Variants in SEC14L5 observed in about 807,000 individuals in gnomAD.
SEC14L5 encodes SEC14-like protein 5.
In SEC14L5, 96 loss-of-function variants were observed where a neutral mutation model predicts 84.6. The observed-to-expected ratio is 1.13, with a 90% CI of 0.96 to 1.34. The LOEUF (loss-of-function observed/expected upper bound fraction) is 1.34. Among genes scored for constraint, SEC14L5 ranks in the 40% most tolerant of loss-of-function variants. SEC14L5 has a pLI of 0.00. For synonymous variants in SEC14L5, 546 were observed against 383.4 expected, an observed-to-expected ratio of 1.42 and a Z score of -4.95; for missense variants, 1,224 against 942.5, an observed-to-expected ratio of 1.30 and a Z score of -3.91.
intron 5 of SEC14L5, among the ~76,000 whole-genome samples, chr16:4,991,544 C>A (rs1388650363): frequency 6.6e-6 from 1 of 151,868 alleles, no homozygotes; most frequent in Non-Finnish European, 1.5e-5. Flanking sequence ...CCAGCCTGGG[C>A]AACACAGCAA....
At chr16:4,963,001 G>T (rs1955145445) in intron 2 of SEC14L5, among the ~76,000 whole-genome samples, 1 of 152,184 alleles carries the variant, frequency 6.6e-6, no homozygotes, top group South Asian at 2.1e-4. Flanking sequence ...TCAGATGCCG[G>T]GGAAGTTTCA....
intron 2 of SEC14L5, among the ~76,000 whole-genome samples, chr16:4,972,598 GT>G (rs779498400): frequency 6.6e-6 from 1 of 152,210 alleles, no homozygotes; most frequent in Non-Finnish European, 1.5e-5. Flanking sequence ...TTGTCCTTTT[GT>G]CTCTGGCTCG....
intron 2 of SEC14L5, among the ~76,000 whole-genome samples, chr16:4,973,542 C>T (rs541312017): frequency 6.6e-6 from 1 of 152,340 alleles, no homozygotes; most frequent in Admixed American, 6.5e-5. Flanking sequence ...GGGTCTACCC[C>T]ATGGCACAGT....
intron 2 of SEC14L5, among the ~76,000 whole-genome samples, chr16:4,975,634 C>T (rs931817217): frequency 1.3e-5 from 2 of 152,092 alleles, no homozygotes; most frequent in South Asian, 4.1e-4. Context: ...TATAAACATA[C>T]ATGTGTATGT....
In SEC14L5 at chr16:5,005,972, A is replaced by G; in HGVS notation, c.1361A>G (p.Asn454Ser). 6.2e-7 allele frequency: 1 copy of G among 1,613,440 alleles called. No individual in the cohort carries two copies. The highest frequency in any genetic ancestry group is 8.5e-7 in the Non-Finnish European group (1 of 1,179,688). The change falls in exon 12 of 16, where the codon AAC (asparagine) becomes AGC (serine). Residue 454 changes from asparagine to serine, a missense_variant. Coordinates refer to ENST00000251170, the MANE Select transcript of SEC14L5 (RefSeq NM_014692.2). ...RRKFLIYSGS[N>S]YQGPGGLVDY... ...AAGTTCCTCATCTACAGTGGCAGCA[A>G]CTACCAGGGACCCGGAGGCCTTGTG...
rs1282320109 is a variant in SEC14L5, at chr16:5,005,885, AT to A, written c.1303-28del. 93 of 1,505,914 alleles carry A rather than the reference AT, an allele frequency of 6.2e-5. No individual in the cohort carries two copies. The African/African-American group carries it at 1.2e-3, about 20-fold the overall frequency. 93.3% of individuals were successfully genotyped at this position (1,505,914 alleles called of 1,614,324 possible). ...TCTCAAAAAAAAAAAAAAAAAAACC[AT>A]CCATCTTGCCTTATGTCCTGGTTTC... On this transcript the variant is annotated intron_variant, in intron 11 of 15. Transcript: ENST00000251170.
chr16:4,967,496 T>G (rs193013333), intron 2 of SEC14L5, among the ~76,000 whole-genome samples: 278 of 150,482 alleles, frequency 1.8e-3, no homozygotes, highest in Non-Finnish European at 1.3e-3. Flanking sequence ...ACTCAGGGAA[T>G]CTGACCCCAC....
At chr16:4,962,686 CAAAAA>C (rs761644374) in intron 2 of SEC14L5, among the ~76,000 whole-genome samples, 2,753 of 81,268 alleles carry the variant, frequency 0.034, 92 homozygotes, top group African/African-American at 0.11. Context: ...AACTCTGTCT[CAAAAA>C]AAAAAAAAAA....
chr16:5,003,610 G>C, intron 11 of SEC14L5, 37 bp downstream of exon 11: 1 of 1,120,836 alleles, frequency 8.9e-7, no homozygotes, highest in Non-Finnish European at 1.3e-6. Flanking sequence ...TCTCCCTGGG[G>C]GTGGGTGGGA....
chr16:4,998,129 C>T lies in SEC14L5; in HGVS notation c.970+1085C>T, dbSNP rs146137830. On this transcript the variant is annotated intron_variant, in intron 8 of 15. Transcript: ENST00000251170. ...CAAGCGATTCTCCTGCGTCAGCCTC[C>T]TGAGTAGCTGGGACTACAGGCGTGC... 8.7e-3 allele frequency among the ~76,000 whole-genome samples: 1,320 copies of T among 151,714 alleles called. 21 individuals are homozygous for T. The highest frequency in any genetic ancestry group is 0.03 in the African/African-American group (1,252 of 41,360).
chr16:4,971,697 C>A (rs1955282429), intron 2 of SEC14L5, among the ~76,000 whole-genome samples: 1 of 150,152 alleles, frequency 6.7e-6, no homozygotes, highest in African/African-American at 2.5e-5. Flanking sequence ...AGATGTAGGT[C>A]CACTCACTCT....
At chr16:5,007,606 C>CA in intron 13 of SEC14L5, 120 bp downstream of exon 13, 4 of 562,150 alleles carry the variant, frequency 7.1e-6, no homozygotes, top group South Asian at 2.3e-5. Context: ...TTCTTTCTTT[C>CA]TTTTTTTTTT....
intron 2 of SEC14L5, among the ~76,000 whole-genome samples, chr16:4,967,196 C>T (rs1955211433): frequency 6.6e-6 from 1 of 152,216 alleles, no homozygotes; most frequent in Non-Finnish European, 1.5e-5. Context: ...CACACTCCCT[C>T]TGGAGGCTCT....
At chr16:4,988,325 C>CGCCCGGCACCCACCTGT (rs771634178) in intron 4 of SEC14L5, 45 bp downstream of exon 4, 16 of 1,599,110 alleles carry the variant, frequency 1.0e-5, no homozygotes, top group Admixed American at 5.1e-5. Context: ...CACCCACCTG[C>CGCCCGGCACCCACCTGT]GCCCGGCACC....
chr16:5,006,955 C>G (rs527865500), intron 12 of SEC14L5, among the ~76,000 whole-genome samples: 20 of 152,146 alleles, frequency 1.3e-4, no homozygotes, highest in Admixed American at 3.3e-4. Context: ...ACTGTTCCAC[C>G]CCCGCCTGTG....
Position 5,007,409 on chromosome 16 carries a change from C to T in SEC14L5, c.1495C>T (p.Gln499Ter), listed in dbSNP as rs1437164362. 6.2e-7 allele frequency: 1 copy of T among 1,613,694 alleles called. No homozygotes were observed. The highest frequency in any genetic ancestry group is 8.5e-7 in the Non-Finnish European group (1 of 1,179,698). ...PKSLYMTEEE[Q>*]EHTDQLWQWS... ...GTCCCTCTACATGACAGAAGAGGAG[C>T]AGGAGCACACGGACCAGCTGTGGCA... The change falls in exon 13 of 16, where the codon CAG (glutamine) becomes TAG (stop). Residue 499 changes from glutamine (Q) to a stop codon, truncating the protein, a stop_gained. Coordinates refer to ENST00000251170, the MANE Select transcript of SEC14L5 (RefSeq NM_014692.2). LOFTEE classifies it high-confidence loss of function.
Position 4,976,990 on chromosome 16 carries a change from TC to T in SEC14L5, c.64-10564del, listed in dbSNP as rs1400732113. Among the ~76,000 whole-genome samples the T allele has an allele frequency of 4.6e-5, 7 of 152,228 alleles. No homozygotes were observed. In the South Asian group the frequency reaches 1.5e-3, roughly 32 times the overall value. On this transcript the variant is annotated intron_variant, in intron 2 of 15. Coordinates refer to ENST00000251170, the MANE Select transcript of SEC14L5 (RefSeq NM_014692.2). Reference sequence around the variant, plus strand: ...CAGAAAGGTCCCGTCAGCTGTTTGATCCCGTAGGACCTTGGGAGGTATGAAA... The same window carrying T: ...CAGAAAGGTCCCGTCAGCTGTTTGATCCGTAGGACCTTGGGAGGTATGAAA...
chr16:4,997,366 T>C (rs1285088752), intron 8 of SEC14L5, among the ~76,000 whole-genome samples: 2 of 152,178 alleles, frequency 1.3e-5, no homozygotes, highest in Admixed American at 6.5e-5. Flanking sequence ...TCCCAAAGTG[T>C]TGGGATTACA....
At chr16:5,013,884 G>A (rs1955837837) in intron 15 of SEC14L5, among the ~76,000 whole-genome samples, 1 of 152,008 alleles carries the variant, frequency 6.6e-6, no homozygotes, top group Non-Finnish European at 1.5e-5. Flanking sequence ...GTAGAGATGG[G>A]GTCTCACTAT....
Sources: gnomAD v4.1 joint callset for allele counts (sites outside exome capture counted in the v4.1 genomes callset) on GRCh38, gnomAD v4.1.1 for gene constraint, MANE v1.5 for transcripts, NCBI Gene and HGNC (gene_info 2026-07-23, HGNC 2026-07-21) for gene names.